KIFBP: variants seen among roughly 807,000 people sequenced by gnomAD.
The protein encoded by KIFBP is kinesin family binding protein.
KIFBP carries 46 observed loss-of-function variants against 58.9 expected under a neutral mutation model. The observed-to-expected ratio is 0.78, with a 90% CI of 0.62 to 1.00. The LOEUF (loss-of-function observed/expected upper bound fraction) is 1.00. Ranked by LOEUF, KIFBP falls within the 50% of genes least tolerant of loss-of-function variation. The pLI, the probability that KIFBP is intolerant of heterozygous loss-of-function variation, is 0.00. For missense variants in KIFBP, 651 were observed against 752.9 expected (o/e 0.86, Z 1.58); for synonymous variants, 241 against 283.4 (o/e 0.85, Z 1.50).
chr10:68,996,869 T>A (rs201622871), intron 1 of KIFBP, among the ~76,000 whole-genome samples: 5,717 of 64,520 alleles, frequency 0.089, 348 homozygotes, highest in African/African-American at 0.19. Flanking sequence ...TAAAATAAAA[T>A]AAAAAATATT....
rs1029645932 is a variant in KIFBP, at chr10:69,016,296, C to T, written c.1746C>T (p.Tyr582=). ...SLEHYKFIVD[Y]CEKHPEAAQE... ...AACATTACAAATTTATTGTTGATTA[C>T]TGTGAAAAGCATCCTGAGGCCGCCC... The change falls in exon 7 of 7, where the codon TAC becomes TAT. Residue 582 remains tyrosine (Y), a synonymous_variant. Coordinates refer to ENST00000361983, the MANE Select transcript of KIFBP (RefSeq NM_015634.4). 3.1e-6 allele frequency: 5 copies of T among 1,605,812 alleles called. No individual in the cohort carries two copies. The highest frequency in any genetic ancestry group is 2.5e-6 in the Non-Finnish European group (3 of 1,176,544).
chr10:68,997,371 C>T (rs533953726), intron 1 of KIFBP, among the ~76,000 whole-genome samples: 1 of 152,272 alleles, frequency 6.6e-6, no homozygotes, highest in Admixed American at 6.5e-5. Context: ...GTGACTGGAT[C>T]ATGGGGGTGG....
Position 69,008,861 on chromosome 10 carries a change from G to A in KIFBP, c.810G>A (p.Arg270=). 1 of 1,613,516 alleles carries A rather than the reference G, an allele frequency of 6.2e-7. No individual in the cohort carries two copies. Among genetic ancestry groups the A allele is most frequent in the East Asian group, 2.2e-5 (1 of 44,820 alleles). The change falls in exon 5 of 7, where the codon AGG becomes AGA. Residue 270 remains arginine, a synonymous_variant. Coordinates refer to ENST00000361983, the MANE Select transcript of KIFBP (RefSeq NM_015634.4). ...YINKLCFMEA[R]HCLSAANVIF... ...AATAGCTATGCTTTATGGAGGCCAG[G>A]CACTGTTTATCAGCTGCTAATGTCA...
chr10:69,003,015 A>G (rs1843486378), intron 2 of KIFBP, among the ~76,000 whole-genome samples: 1 of 148,824 alleles, frequency 6.7e-6, no homozygotes, highest in East Asian at 2.0e-4. Flanking sequence ...CAAGACCAAC[A>G]TGAGCAACAA....
At chr10:69,009,019 CTA>C in intron 5 of KIFBP, 94 bp downstream of exon 5, 1 of 933,010 alleles carries the variant, frequency 1.1e-6, no homozygotes, top group Non-Finnish European at 1.7e-6. Flanking sequence ...AACAGAAGAG[CTA>C]TCATATGCCC....
chr10:69,007,432 CCA>C (rs1843547266), intron 4 of KIFBP, among the ~76,000 whole-genome samples: 1 of 152,146 alleles, frequency 6.6e-6, no homozygotes, highest in Non-Finnish European at 1.5e-5. Flanking sequence ...TGCTAAAGTC[CCA>C]CATTTACCAG....
chr10:68,997,394 T>C (rs1013905454), intron 1 of KIFBP, among the ~76,000 whole-genome samples: 1 of 152,192 alleles, frequency 6.6e-6, no homozygotes, highest in Non-Finnish European at 1.5e-5. Context: ...TTCGTCTTGC[T>C]GTTCTCATGA....
At chr10:69,001,527 G>A (rs1253372166) in intron 2 of KIFBP, among the ~76,000 whole-genome samples, 1 of 152,174 alleles carries the variant, frequency 6.6e-6, no homozygotes, top group Non-Finnish European at 1.5e-5. Context: ...GGCCGAGGCA[G>A]GTGGATCACT....
chr10:69,011,993 G>A (rs958398124), intron 6 of KIFBP, among the ~76,000 whole-genome samples: 3 of 151,956 alleles, frequency 2.0e-5, no homozygotes, highest in African/African-American at 7.2e-5. Context: ...ACCTGGCCAA[G>A]CCCTTACTAA....
At chr10:69,014,889 A>T (rs755105061) in intron 6 of KIFBP, among the ~76,000 whole-genome samples, 3 of 152,088 alleles carry the variant, frequency 2.0e-5, no homozygotes, top group Non-Finnish European at 4.4e-5. Flanking sequence ...CATCCTTGTG[A>T]AACATTTTTA....
In KIFBP at chr10:69,016,668, C is replaced by CGGCGACCACCG; in HGVS notation, c.*252_*253insGGCGACCACCG. On this transcript the variant is annotated 3_prime_UTR_variant, in exon 7 of 7. Transcript: ENST00000361983. ...TAGATGCTTGTTTCCTATTAAAATA[C>CGGCGACCACCG]AGACATTTCTACCCTCAGTTTCTAA... The CGGCGACCACCG allele has an allele frequency of 2.2e-6, 1 of 461,208 alleles. No homozygotes were observed. Among genetic ancestry groups the CGGCGACCACCG allele is most frequent in the Non-Finnish European group, 3.9e-6 (1 of 257,338 alleles). 28.6% of individuals were successfully genotyped at this position (461,208 alleles called of 1,614,324 possible). A position where few individuals can be genotyped will look rare whatever the true frequency, so the allele number is the denominator to read the frequency against.
At position 69,005,982 on chromosome 10, in the gene KIFBP, C is replaced by T. The variant is rs550065157; in HGVS notation, c.789+67C>T. On this transcript the variant is annotated intron_variant, in intron 4 of 6. Transcript: ENST00000361983. The stretch of plus-strand genomic sequence containing the variant: ...GAGTATAAAAATAGAACCAGTAGTA[C>T]CTTGAAAATACTATCTTTTAAAAAC... 5.8e-6 allele frequency: 8 copies of T among 1,375,526 alleles called. No homozygotes were observed. In the South Asian group the frequency reaches 6.1e-5, roughly 11 times the overall value. 85.2% of individuals were successfully genotyped at this position (1,375,526 alleles called of 1,614,324 possible).
intron 4 of KIFBP, among the ~76,000 whole-genome samples, chr10:69,006,255 G>A (rs547762811): frequency 3.2e-4 from 49 of 152,184 alleles, no homozygotes; most frequent in African/African-American, 9.2e-4. Flanking sequence ...TTATCTTTAC[G>A]TAATGGTAAT....
At position 68,988,813 on chromosome 10, in the gene KIFBP, G is replaced by T. The variant is rs199849981; in HGVS notation, c.-20G>T. The T allele has an allele frequency of 6.2e-7, 1 of 1,614,270 alleles. No individual in the cohort carries two copies. The highest frequency in any genetic ancestry group is 8.5e-7 in the Non-Finnish European group (1 of 1,180,044). ...GTCCCGACTGCAAACATTGAGGAAAGCCAGGCAGTAGAGGCCGCTATGGCG... is the reference window on the plus strand; with the variant it reads ...GTCCCGACTGCAAACATTGAGGAAATCCAGGCAGTAGAGGCCGCTATGGCG... On this transcript the variant is annotated 5_prime_UTR_variant, in exon 1 of 7. Coordinates refer to ENST00000361983, the MANE Select transcript of KIFBP (RefSeq NM_015634.4).
intron 5 of KIFBP, among the ~76,000 whole-genome samples, chr10:69,009,850 C>G (rs112471970): frequency 1.1e-3 from 163 of 152,182 alleles, no homozygotes; most frequent in African/African-American, 3.7e-3. Flanking sequence ...CAGTTTCCAA[C>G]CTTCTTACGA....
Position 69,016,913 on chromosome 10 carries a change from T to TTTGTCTTAA in KIFBP, c.*500_*508dup. 6.5e-6 allele frequency: 1 copy of TTTGTCTTAA among 153,422 alleles called. No homozygotes were observed. Among genetic ancestry groups the TTTGTCTTAA allele is most frequent in the Admixed American group, 6.5e-5 (1 of 15,470 alleles). 9.5% of individuals were successfully genotyped at this position (153,422 alleles called of 1,614,324 possible). A position where few individuals can be genotyped will look rare whatever the true frequency, so the allele number is the denominator to read the frequency against. On this transcript the variant is annotated 3_prime_UTR_variant, in exon 7 of 7. Transcript: ENST00000361983. ...TATGTTATTATAAAGTGTAAAATGG[T>TTTGTCTTAA]TTGTCTTAATTATAGGAGAAAAAGG... is the stretch of plus-strand genomic sequence containing the variant.
intron 1 of KIFBP, chr10:68,995,339 A>T (rs1339161319): frequency 1.3e-5 from 2 of 151,726 alleles, no homozygotes; most frequent in Non-Finnish European, 2.9e-5. Flanking sequence ...TATTGTATAT[A>T]CTCTTGTTTT....
chr10:69,005,084 T>A lies in KIFBP; in HGVS notation c.564T>A (p.Leu188=), dbSNP rs1461904456. ...CTCTTGATCCTACTGAGCGTTTTCT[T>A]CCTGAAGAAGAGAAACTTACTGAAC... ...SPPLDPTERF[L]PEEEKLTEQE... Residue 188 remains leucine, a synonymous_variant, in exon 3 of 7, where the codon CTT becomes CTA. Coordinates refer to ENST00000361983, the MANE Select transcript of KIFBP (RefSeq NM_015634.4). 6.2e-7 allele frequency: 1 copy of A among 1,613,716 alleles called. No homozygotes were observed. The highest frequency in any genetic ancestry group is 1.3e-5 in the African/African-American group (1 of 75,024).
chr10:68,992,089 G>T (rs1843354891), intron 1 of KIFBP, among the ~76,000 whole-genome samples: 1 of 151,836 alleles, frequency 6.6e-6, no homozygotes, highest in African/African-American at 2.4e-5. Flanking sequence ...CACCCTCCTG[G>T]CTTAAGCGAT....
Sources: allele counts gnomAD v4.1 joint callset (sites outside exome capture counted in the v4.1 genomes callset), GRCh38; gene constraint gnomAD v4.1.1; transcripts MANE v1.5; gene names NCBI Gene and HGNC (gene_info 2026-07-23, HGNC 2026-07-21).